ATG10: variants seen among roughly 807,000 people sequenced by gnomAD.
ATG10 encodes the protein ubiquitin-like-conjugating enzyme ATG10.
Under a neutral mutation model 32.1 loss-of-function variants are expected in ATG10, and 30 were observed. That is an observed-to-expected ratio of 0.94 (90% CI 0.70 to 1.27). The LOEUF (loss-of-function observed/expected upper bound fraction) is 1.27. Among genes scored for constraint, ATG10 ranks in the 50% most tolerant of loss-of-function variants. ATG10 has a pLI of 0.00. For synonymous variants in ATG10, 87 were observed against 91.5 expected (o/e 0.95, Z 0.28); for missense variants, 233 against 262.3 (o/e 0.89, Z 0.77).
At chr5:82,179,742 C>G (rs567422610) in intron 5 of ATG10, among the ~76,000 whole-genome samples, 1 of 152,134 alleles carries the variant, frequency 6.6e-6, no homozygotes, top group East Asian at 1.9e-4. Flanking sequence ...TGAAAGCTTC[C>G]TTTAAAAATG....
intron 2 of ATG10, among the ~76,000 whole-genome samples, chr5:82,037,490 G>A (rs13436348): frequency 0.015 from 2,319 of 150,812 alleles, 42 homozygotes; most frequent in African/African-American, 0.05. Context: ...CTCGTGATCC[G>A]CCCGCCTCGG....
intron 2 of ATG10, among the ~76,000 whole-genome samples, chr5:82,037,932 T>C (rs1762983166): frequency 6.6e-6 from 1 of 152,220 alleles, no homozygotes; most frequent in Non-Finnish European, 1.5e-5. Context: ...TAAGATTTTT[T>C]CTGCTACATT....
At chr5:82,071,237 G>C (rs1470811408) in intron 3 of ATG10, among the ~76,000 whole-genome samples, 1 of 152,100 alleles carries the variant, frequency 6.6e-6, no homozygotes, top group African/African-American at 2.4e-5. Context: ...GATCGTAGGG[G>C]ATCTTGGGAA....
At chr5:82,106,970 A>G (rs1471569575) in intron 3 of ATG10, among the ~76,000 whole-genome samples, 3 of 152,050 alleles carry the variant, frequency 2.0e-5, no homozygotes, top group African/African-American at 7.2e-5. Context: ...TTAGGAAAAT[A>G]TGTTCCAAAA....
At chr5:81,988,306 T>G (rs1320192149) in intron 2 of ATG10, among the ~76,000 whole-genome samples, 1 of 151,154 alleles carries the variant, frequency 6.6e-6, no homozygotes, top group East Asian at 1.9e-4. Flanking sequence ...CTGCCTAAAT[T>G]TTTTGTATTT....
chr5:82,027,498 TAAAC>T (rs1449532810), intron 2 of ATG10, among the ~76,000 whole-genome samples: 1 of 152,222 alleles, frequency 6.6e-6, no homozygotes, highest in Non-Finnish European at 1.5e-5. Flanking sequence ...ATTTTTGAAG[TAAAC>T]AGATATAAAT....
intron 5 of ATG10, among the ~76,000 whole-genome samples, chr5:82,202,307 T>C (rs139377628): frequency 6.0e-4 from 92 of 152,254 alleles, no homozygotes; most frequent in African/African-American, 2.0e-3. Flanking sequence ...TAAAGCATAT[T>C]GATGGGTGGG....
intron 2 of ATG10, among the ~76,000 whole-genome samples, chr5:81,998,378 G>C (rs1315101016): frequency 6.6e-6 from 1 of 152,182 alleles, no homozygotes; most frequent in Non-Finnish European, 1.5e-5. Context: ...TACAAGAGGT[G>C]CTGAGGAAGG....
intron 2 of ATG10, among the ~76,000 whole-genome samples, chr5:82,007,973 A>T (rs1581592201): frequency 6.6e-6 from 1 of 152,200 alleles, no homozygotes; most frequent in African/African-American, 2.4e-5. Context: ...TTTAAGGTTC[A>T]CTAAAAGAAA....
At chr5:82,138,684 A>T (rs1197812265) in intron 3 of ATG10, among the ~76,000 whole-genome samples, 3 of 151,966 alleles carry the variant, frequency 2.0e-5, no homozygotes. Flanking sequence ...TTGCCCGGGG[A>T]TCCATGGATT....
In ATG10 at chr5:82,063,411, T is replaced by C. The variant is rs567332447; in HGVS notation, c.216+4809T>C. Among the ~76,000 whole-genome samples, 10 of 152,236 alleles carry C rather than the reference T, an allele frequency of 6.6e-5. No homozygotes were observed. The South Asian group carries it at 1.0e-3, about 16-fold the overall frequency. On this transcript the variant is annotated intron_variant, in intron 3 of 7. Transcript: ENST00000282185. ...GTACATTTGTGATACCAGTAGAAGA[T>C]ACTATGACAATTTAAGTGGAATGTA...
At chr5:82,139,151 G>A (rs1766922301) in intron 3 of ATG10, among the ~76,000 whole-genome samples, 1 of 144,248 alleles carries the variant, frequency 6.9e-6, no homozygotes, top group Admixed American at 6.8e-5. Flanking sequence ...GTGCTCAATG[G>A]TGCCCAGGCT....
At position 82,178,930 on chromosome 5, in the gene ATG10, G is replaced by GT. The variant is rs1351523823; in HGVS notation, c.453+344dup. ...GGGAATACATCCTGATAAACCCATC[G>GT]TAAGTTGAAAATATCTGAAGTAGAA... On this transcript the variant is annotated intron_variant, in intron 5 of 7. Transcript: ENST00000282185. Among the ~76,000 whole-genome samples, 6 of 152,186 alleles carry GT rather than the reference G, an allele frequency of 3.9e-5. No individual in the cohort carries two copies. In the East Asian group the frequency reaches 1.2e-3, roughly 29 times the overall value.
intron 5 of ATG10, among the ~76,000 whole-genome samples, chr5:82,237,642 CAAA>C (rs750955363): frequency 4.2e-5 from 5 of 119,762 alleles, no homozygotes; most frequent in African/African-American, 9.3e-5. Context: ...GATTCCTTCT[CAAA>C]AAAAAAAAAA....
intron 3 of ATG10, among the ~76,000 whole-genome samples, chr5:82,097,500 C>T (rs1014059826): frequency 1.2e-4 from 18 of 152,202 alleles, no homozygotes; most frequent in African/African-American, 2.6e-4. Flanking sequence ...TTTCAACCTC[C>T]GCAAAAAGAT....
At position 81,993,384 on chromosome 5, in the gene ATG10, T is replaced by TTC. The variant is rs1233047415; in HGVS notation, c.108+5707_108+5708insCT. On this transcript the variant is annotated intron_variant, in intron 2 of 7. Coordinates refer to ENST00000282185, the MANE Select transcript of ATG10 (RefSeq NM_031482.5). Reference sequence around the variant, plus strand: ...CCTTCTTTTCTTTTCTTTTCTTTTCTTTTCTTTTTTTTTCTTTTCTTTTCT... The same window carrying TTC: ...CCTTCTTTTCTTTTCTTTTCTTTTCTTCTTTCTTTTTTTTTCTTTTCTTTTCT... Among the ~76,000 whole-genome samples, 302 of 108,508 alleles carry TTC rather than the reference T, an allele frequency of 2.8e-3. 13 individuals are homozygous for TTC. The highest frequency in any genetic ancestry group is 0.015 in the African/African-American group (291 of 19,536). The allele number at this position is 108,508 out of a possible 152,430, so 71.2% of individuals were successfully genotyped here. A position where few individuals can be genotyped will look rare whatever the true frequency, so the allele number is the denominator to read the frequency against.
chr5:82,197,494 A>ACCTG (rs1486646132), intron 5 of ATG10, among the ~76,000 whole-genome samples: 1 of 151,410 alleles, frequency 6.6e-6, no homozygotes, highest in Non-Finnish European at 1.5e-5. Context: ...CTACCTACCT[A>ACCTG]CCTACCTGCC....
At chr5:82,139,620 G>T (rs1264049511) in intron 3 of ATG10, among the ~76,000 whole-genome samples, 1 of 130,924 alleles carries the variant, frequency 7.6e-6, no homozygotes, top group Non-Finnish European at 1.7e-5. Flanking sequence ...CACCCCATCT[G>T]GGAAGTGAGG....
At chr5:82,073,105 C>T (rs905780060) in intron 3 of ATG10, 5 of 152,148 alleles carry the variant, frequency 3.3e-5, no homozygotes, top group African/African-American at 1.2e-4. Context: ...TATGTGAGAG[C>T]ATCCACTGAA....
Sources: gnomAD v4.1 joint callset for allele counts (sites outside exome capture counted in the v4.1 genomes callset) on GRCh38, gnomAD v4.1.1 for gene constraint, MANE v1.5 for transcripts, NCBI Gene and HGNC (gene_info 2026-07-23, HGNC 2026-07-21) for gene names.